Variants in CADPS observed in about 807,000 individuals in gnomAD.
CADPS encodes the protein calcium-dependent secretion activator 1.
A neutral mutation model predicts 167.3 loss-of-function variants in CADPS; 57 were observed. The observed-to-expected ratio is 0.34, with a 90% CI of 0.28 to 0.42. CADPS has a LOEUF of 0.42. Ranked by LOEUF, CADPS falls within the 20% of genes least tolerant of loss-of-function variation. The pLI is 1.00. For synonymous variants in CADPS, 676 were observed against 635.3 expected (o/e 1.06, Z -0.96); for missense variants, 1,414 against 1,738.1 (o/e 0.81, Z 3.32).
intron 10 of CADPS, among the ~76,000 whole-genome samples, chr3:62,554,593 C>A (rs539174245): frequency 9.9e-5 from 15 of 152,232 alleles, no homozygotes; most frequent in African/African-American, 2.9e-4. Context: ...AATCTGAGGA[C>A]ATTGGTTAAA....
At chr3:62,509,069 G>A (rs181212979) in intron 17 of CADPS, among the ~76,000 whole-genome samples, 2 of 152,016 alleles carry the variant, frequency 1.3e-5, no homozygotes, top group East Asian at 3.9e-4. Flanking sequence ...TTAGGAGGCC[G>A]AGGTGGGTGG....
At chr3:62,474,072 A>G (rs1482255203) in intron 24 of CADPS, 101 bp downstream of exon 24, 1 of 773,288 alleles carries the variant, frequency 1.3e-6, no homozygotes, top group Non-Finnish European at 2.0e-6. Context: ...TGTATTTCTG[A>G]AACTAGCAGA....
intron 18 of CADPS, among the ~76,000 whole-genome samples, chr3:62,495,287 C>A (rs910245079): frequency 2.0e-5 from 3 of 152,130 alleles, no homozygotes; most frequent in Admixed American, 6.5e-5. Flanking sequence ...ACCTTATAAT[C>A]AAACCTGACT....
intron 1 of CADPS, among the ~76,000 whole-genome samples, chr3:62,829,399 A>G (rs1248498354): frequency 6.6e-6 from 1 of 152,166 alleles, no homozygotes; most frequent in African/African-American, 2.4e-5. Context: ...ATGCCATTTT[A>G]TATAAGAGAC....
chr3:62,515,640 CTT>C (rs1290095314), intron 16 of CADPS, among the ~76,000 whole-genome samples: 5 of 152,020 alleles, frequency 3.3e-5, no homozygotes, highest in African/African-American at 1.2e-4. Context: ...TGATCTTGCT[CTT>C]TTCAGTTCTT....
chr3:62,538,461 T>G lies in CADPS; in HGVS notation c.1967-1880A>C, dbSNP rs184330495. ...CCAACCTGTCAGTCCCAGATCAATT[T>G]AACTCAGGAGAAACTAAGCATGGGG... On this transcript the variant is annotated intron_variant, in intron 11 of 29. Coordinates refer to ENST00000383710, the MANE Select transcript of CADPS (RefSeq NM_003716.4). Among the ~76,000 whole-genome samples, 170 of 152,258 alleles carry G rather than the reference T, an allele frequency of 1.1e-3. 2 individuals carry two copies. The highest frequency in any genetic ancestry group is 4.0e-3 in the African/African-American group (166 of 41,568).
In CADPS at chr3:62,848,129, C is replaced by T. The variant is rs855104; in HGVS notation, c.441+26460G>A. On this transcript the variant is annotated intron_variant, in intron 1 of 29. Coordinates refer to ENST00000383710, the MANE Select transcript of CADPS (RefSeq NM_003716.4). The stretch of plus-strand genomic sequence containing the variant: ...TCGCCCACTTTTTGATGGGGTTGTT[C>T]GTTTTTTTCTTGTAAATTTGTTTGA... Among the ~76,000 whole-genome samples, 1,057 of 134,802 alleles carry T rather than the reference C, an allele frequency of 7.8e-3. 6 individuals carry two copies. The highest frequency in any genetic ancestry group is 0.027 in the African/African-American group (773 of 28,406). 88.4% of individuals were successfully genotyped at this position (134,802 alleles called of 152,430 possible). A position where few individuals can be genotyped will look rare whatever the true frequency, so the allele number is the denominator to read the frequency against.
intron 6 of CADPS, among the ~76,000 whole-genome samples, chr3:62,608,262 G>A (rs192835917): frequency 5.6e-4 from 85 of 150,510 alleles, no homozygotes; most frequent in African/African-American, 2.0e-3. Context: ...CCAAAAAACT[G>A]TATGAAAGTT....
intron 3 of CADPS, among the ~76,000 whole-genome samples, chr3:62,704,314 T>C (rs1281113992): frequency 1.3e-5 from 2 of 152,150 alleles, no homozygotes; most frequent in African/African-American, 2.4e-5. Flanking sequence ...ATTCCTTCCC[T>C]GCTCTCTGAA....
intron 3 of CADPS, among the ~76,000 whole-genome samples, chr3:62,727,822 C>T (rs761687109): frequency 2.0e-5 from 3 of 151,826 alleles, no homozygotes; most frequent in African/African-American, 7.3e-5. Context: ...AGCTTCCCCT[C>T]AAATACTTAG....
intron 8 of CADPS, among the ~76,000 whole-genome samples, chr3:62,577,356 G>T (rs1407372007): frequency 6.6e-6 from 1 of 152,066 alleles, no homozygotes; most frequent in Non-Finnish European, 1.5e-5. Flanking sequence ...TGCACAATAG[G>T]TCTCTTGAAC....
At chr3:62,454,197 C>G (rs1337742711) in intron 26 of CADPS, among the ~76,000 whole-genome samples, 1 of 152,184 alleles carries the variant, frequency 6.6e-6, no homozygotes, top group Non-Finnish European at 1.5e-5. Flanking sequence ...AGTCTTGACT[C>G]TTACTCCTAC....
intron 18 of CADPS, among the ~76,000 whole-genome samples, chr3:62,498,506 AGG>A (rs1220412296): frequency 1.3e-5 from 2 of 152,140 alleles, no homozygotes; most frequent in African/African-American, 2.4e-5. Flanking sequence ...TGGAAGTGTT[AGG>A]TTGTTTAAGT....
intron 1 of CADPS, among the ~76,000 whole-genome samples, chr3:62,772,899 T>C (rs1443178875): frequency 1.3e-5 from 2 of 152,214 alleles, no homozygotes; most frequent in Non-Finnish European, 2.9e-5. Context: ...GTTCCAGTTA[T>C]ACACATAAAT....
chr3:62,437,710 C>A (rs1306030438), intron 28 of CADPS, among the ~76,000 whole-genome samples: 1 of 152,162 alleles, frequency 6.6e-6, no homozygotes, highest in Non-Finnish European at 1.5e-5. Flanking sequence ...GGAGGCGCCA[C>A]CCCCAGGAGA....
intron 1 of CADPS, among the ~76,000 whole-genome samples, chr3:62,789,542 G>C (rs2092753979): frequency 6.6e-6 from 1 of 152,102 alleles, no homozygotes; most frequent in African/African-American, 2.4e-5. Context: ...TGTTCTTTGA[G>C]ACTCAGTAAC....
chr3:62,443,586 T>C (rs2056721818), intron 27 of CADPS, among the ~76,000 whole-genome samples: 1 of 152,120 alleles, frequency 6.6e-6, no homozygotes, highest in African/African-American at 2.4e-5. Flanking sequence ...CTCCAGGCTG[T>C]TCTTGTGATA....
chr3:62,508,732 C>T (rs890179836), intron 17 of CADPS, among the ~76,000 whole-genome samples: 1 of 152,118 alleles, frequency 6.6e-6, no homozygotes. Flanking sequence ...ATATGTATAA[C>T]TACTTAGCAC....
intron 26 of CADPS, among the ~76,000 whole-genome samples, chr3:62,453,128 A>C (rs1026637755): frequency 6.6e-6 from 1 of 152,112 alleles, no homozygotes; most frequent in African/African-American, 2.4e-5. Flanking sequence ...GTGAGACCCT[A>C]TCTCTAAATA....
Sources: allele counts gnomAD v4.1 joint callset (sites outside exome capture counted in the v4.1 genomes callset), GRCh38; gene constraint gnomAD v4.1.1; transcripts MANE v1.5; gene names NCBI Gene and HGNC (gene_info 2026-07-23, HGNC 2026-07-21).